Variants in EHBP1 observed in about 807,000 individuals in gnomAD.
The protein encoded by EHBP1 is EH domain-binding protein 1.
EHBP1 carries 55 observed loss-of-function variants against 144.0 expected under a neutral mutation model. The ratio of observed to expected loss-of-function variants is 0.38; its 90% CI spans 0.31 to 0.48. The LOEUF is 0.48. Ranked by LOEUF, EHBP1 falls within the 20% of genes least tolerant of loss-of-function variation. The pLI, the probability that EHBP1 is intolerant of heterozygous loss-of-function variation, is 0.98. For synonymous variants in EHBP1, 469 were observed against 472.7 expected (o/e 0.99, Z 0.10); for missense variants, 1,200 against 1,364.2 (o/e 0.88, Z 1.90).
chr2:62,837,903 AC>A (rs1447491450), intron 7 of EHBP1, among the ~76,000 whole-genome samples: 2 of 147,670 alleles, frequency 1.4e-5, no homozygotes, highest in Admixed American at 1.3e-4. Flanking sequence ...AGACTTTAAC[AC>A]CCCACTGTCA....
intron 19 of EHBP1, among the ~76,000 whole-genome samples, chr2:63,004,927 A>G (rs980294920): frequency 2.0e-5 from 3 of 152,252 alleles, no homozygotes; most frequent in African/African-American, 7.2e-5. Flanking sequence ...GGATCTAAGA[A>G]TCTGCATTTT....
chr2:62,955,117 C>G (rs2057616141), intron 13 of EHBP1, among the ~76,000 whole-genome samples: 1 of 151,786 alleles, frequency 6.6e-6, no homozygotes, highest in Admixed American at 6.6e-5. Context: ...TATCAACATT[C>G]AAATTTGGAA....
chr2:62,698,060 G>T (rs2034160738), intron 1 of EHBP1, among the ~76,000 whole-genome samples: 1 of 152,294 alleles, frequency 6.6e-6, no homozygotes, highest in East Asian at 1.9e-4. Context: ...ATCTTGTTCA[G>T]CTGTAGGCTG....
chr2:62,809,585 G>A (rs532076293), intron 5 of EHBP1, among the ~76,000 whole-genome samples: 5 of 152,140 alleles, frequency 3.3e-5, no homozygotes, highest in African/African-American at 1.2e-4. Flanking sequence ...CTAAGGTTTG[G>A]GGTATGGATC....
At chr2:62,955,131 ATGT>A (rs1194862779) in intron 13 of EHBP1, among the ~76,000 whole-genome samples, 4 of 152,256 alleles carry the variant, frequency 2.6e-5, no homozygotes, top group Non-Finnish European at 5.9e-5. Flanking sequence ...TTTGGAAGAC[ATGT>A]TGTTATCAAT....
intron 2 of EHBP1, among the ~76,000 whole-genome samples, chr2:62,737,211 C>T (rs369594032): frequency 2.1e-4 from 32 of 152,256 alleles, no homozygotes; most frequent in African/African-American, 7.7e-4. Context: ...AGTCAGGCCT[C>T]GTTAAGAAAA....
intron 10 of EHBP1, among the ~76,000 whole-genome samples, chr2:62,880,287 C>G (rs1445293002): frequency 1.3e-5 from 2 of 150,474 alleles, no homozygotes; most frequent in Admixed American, 1.3e-4. Context: ...CTAGGAAATA[C>G]CATTATGTGA....
chr2:63,007,339 C>G (rs974943464), intron 19 of EHBP1, among the ~76,000 whole-genome samples: 2 of 151,850 alleles, frequency 1.3e-5, no homozygotes, highest in African/African-American at 4.8e-5. Flanking sequence ...GGAAACAGAA[C>G]TTTTATAAAA....
intron 10 of EHBP1, among the ~76,000 whole-genome samples, chr2:62,890,217 T>C (rs2052345629): frequency 6.6e-6 from 1 of 152,298 alleles, no homozygotes; most frequent in Admixed American, 6.5e-5. Flanking sequence ...ATTACAAGCA[T>C]GAGCCACCAC....
chr2:62,733,490 G>A (rs190389419), intron 2 of EHBP1, among the ~76,000 whole-genome samples: 12 of 152,242 alleles, frequency 7.9e-5, no homozygotes, highest in African/African-American at 2.9e-4. Context: ...CCTATAATCA[G>A]GCTTTTAGTG....
intron 2 of EHBP1, among the ~76,000 whole-genome samples, chr2:62,717,378 A>G (rs1022597598): frequency 6.6e-6 from 1 of 152,264 alleles, no homozygotes; most frequent in Non-Finnish European, 1.5e-5. Flanking sequence ...CAAAAGAGCC[A>G]CTGAACTTGT....
chr2:62,908,262 A>T (rs1424990313), intron 10 of EHBP1, among the ~76,000 whole-genome samples: 1 of 152,108 alleles, frequency 6.6e-6, no homozygotes, highest in Non-Finnish European at 1.5e-5. Context: ...TTTTATTTAA[A>T]TCTTGTTGAT....
chr2:62,895,860 T>C (rs1478385906), intron 10 of EHBP1, among the ~76,000 whole-genome samples: 3 of 152,158 alleles, frequency 2.0e-5, no homozygotes, highest in Admixed American at 1.3e-4. Context: ...ATTCAGAAGT[T>C]TCTAGCTTTG....
intron 7 of EHBP1, among the ~76,000 whole-genome samples, chr2:62,857,986 C>G (rs1573746106): frequency 1.3e-5 from 2 of 151,866 alleles, no homozygotes; most frequent in South Asian, 4.1e-4. Context: ...ATTCTTAAAA[C>G]TTTTTGTTTA....
At position 62,764,478 on chromosome 2, in the gene EHBP1, T is replaced by C. The variant is rs909011300; in HGVS notation, c.258+117T>C. 10 of 646,592 alleles carry C rather than the reference T, an allele frequency of 1.5e-5. No homozygotes were observed. In the African/African-American group the frequency reaches 1.9e-4, roughly 12 times the overall value. The allele number at this position is 646,592 out of a possible 1,614,324, so 40.1% of individuals were successfully genotyped here. On this transcript the variant is annotated intron_variant, in intron 4 of 22. Transcript: ENST00000431489. Reference sequence around the variant, plus strand: ...TGTCCAGTCTGGTACCTACTGTGCATTATTTTTAGGGACATAGCAATTTAT... The same window carrying C: ...TGTCCAGTCTGGTACCTACTGTGCACTATTTTTAGGGACATAGCAATTTAT...
chr2:62,977,264 C>T (rs1272297145), intron 14 of EHBP1, among the ~76,000 whole-genome samples: 2 of 151,962 alleles, frequency 1.3e-5, no homozygotes, highest in Admixed American at 6.6e-5. Context: ...CCCTGTTGGA[C>T]AGGGCCTTTA....
upstream of EHBP1, among the ~76,000 whole-genome samples, chr2:62,704,351 T>A (rs1255666123): frequency 1.3e-5 from 2 of 152,240 alleles, no homozygotes; most frequent in African/African-American, 4.8e-5. Flanking sequence ...TCTTGATTCT[T>A]CAACATGTCT....
intron 10 of EHBP1, among the ~76,000 whole-genome samples, chr2:62,916,989 T>A (rs2054673628): frequency 6.6e-6 from 1 of 152,094 alleles, no homozygotes; most frequent in African/African-American, 2.4e-5. Flanking sequence ...CATGTGTTAC[T>A]TAATGATTGG....
chr2:62,861,895 C>A (rs1051077184), intron 8 of EHBP1, among the ~76,000 whole-genome samples: 2 of 152,050 alleles, frequency 1.3e-5, no homozygotes, highest in African/African-American at 2.4e-5. Flanking sequence ...TTGCAATCCT[C>A]TTCCTGAAAG....
Sources: allele counts gnomAD v4.1 joint callset (sites outside exome capture counted in the v4.1 genomes callset), GRCh38; gene constraint gnomAD v4.1.1; transcripts MANE v1.5; gene names NCBI Gene and HGNC (gene_info 2026-07-23, HGNC 2026-07-21).